ARHGEF12: variants seen among roughly 807,000 people sequenced by gnomAD.
ARHGEF12 encodes KMT2A/ARHGEF12 fusion protein.
A neutral mutation model predicts 211.2 loss-of-function variants in ARHGEF12; 66 were observed. The ratio of observed to expected loss-of-function variants is 0.31; its 90% CI spans 0.26 to 0.38. ARHGEF12 has a LOEUF of 0.38. Among genes scored for constraint, ARHGEF12 ranks in the 10% least tolerant of loss-of-function variants. The pLI is 1.00. For synonymous variants in ARHGEF12, 592 were observed against 638.4 expected, an observed-to-expected ratio of 0.93 and a Z score of 1.09; for missense variants, 1,429 against 1,869.5, an observed-to-expected ratio of 0.76 and a Z score of 4.34.
chr11:120,373,567 A>G (rs1254913942), intron 1 of ARHGEF12, among the ~76,000 whole-genome samples: 1 of 152,198 alleles, frequency 6.6e-6, no homozygotes, highest in East Asian at 1.9e-4. Context: ...ATGTATTTCT[A>G]ACTTGGAAAT....
chr11:120,390,183 CTTTATG>C (rs1944168346), intron 1 of ARHGEF12, among the ~76,000 whole-genome samples: 1 of 152,108 alleles, frequency 6.6e-6, no homozygotes, highest in African/African-American at 2.4e-5. Flanking sequence ...GGTCTGTGAT[CTTTATG>C]TTTAGGGAAA....
chr11:120,467,249 C>A lies in ARHGEF12; in HGVS notation c.2795C>A (p.Thr932Asn). 1 of 1,613,784 alleles carries A rather than the reference C, an allele frequency of 6.2e-7. No homozygotes were observed. The highest frequency in any genetic ancestry group is 8.5e-7 in the Non-Finnish European group (1 of 1,179,878). The change falls in exon 29 of 41, where the codon ACT becomes AAT. Residue 932 changes from threonine to asparagine, a missense_variant. By Grantham distance (65) the Thr-to-Asn change is moderately conservative. This residue lies in a region of ARHGEF12 where 223 missense variants were observed against 444.6 expected (regional missense o/e 0.50). Coordinates refer to ENST00000397843, the MANE Select transcript of ARHGEF12 (RefSeq NM_015313.3). ...RRLQLKDIIPTQMQRLTKYPL... is the reference protein window; with the variant it reads ...RRLQLKDIIPNQMQRLTKYPL... ...CTTCAACTGAAGGATATTATTCCCACTCAAATGCAAAGGCTTACTAAGTAC... is the reference window on the plus strand; with the variant it reads ...CTTCAACTGAAGGATATTATTCCCAATCAAATGCAAAGGCTTACTAAGTAC...
In ARHGEF12 at chr11:120,347,264, C is replaced by CTGTG. The variant is rs1315373728; in HGVS notation, c.32+9990_32+9991insGTGT. ...TCTCTGTTTCTCTCTCTCTCTCTCT[C>CTGTG]TCTGTCTGTGTGTGTGTGTGTGTGT... On this transcript the variant is annotated intron_variant, in intron 1 of 40. Coordinates refer to ENST00000397843, the MANE Select transcript of ARHGEF12 (RefSeq NM_015313.3). Among the ~76,000 whole-genome samples the CTGTG allele has an allele frequency of 1.9e-3, 218 of 112,882 alleles. 2 individuals are homozygous for CTGTG. Among genetic ancestry groups the CTGTG allele is most frequent in the African/African-American group, 7.4e-3 (205 of 27,588 alleles). The allele number at this position is 112,882 out of a possible 152,430, so 74.1% of individuals were successfully genotyped here. A position where few individuals can be genotyped will look rare whatever the true frequency, so the allele number is the denominator to read the frequency against.
chr11:120,435,388 A>T (rs1424257401), intron 11 of ARHGEF12, among the ~76,000 whole-genome samples: 1 of 152,020 alleles, frequency 6.6e-6, no homozygotes, highest in Non-Finnish European at 1.5e-5. Context: ...TAATTCATAG[A>T]TGATACTATG....
At chr11:120,369,418 C>T (rs1943527149) in intron 1 of ARHGEF12, among the ~76,000 whole-genome samples, 1 of 152,148 alleles carries the variant, frequency 6.6e-6, no homozygotes, top group Non-Finnish European at 1.5e-5. Flanking sequence ...CATGAGCCAT[C>T]CCACTCGGCC....
intron 1 of ARHGEF12, among the ~76,000 whole-genome samples, chr11:120,346,518 G>C (rs560189504): frequency 6.6e-6 from 1 of 152,356 alleles, no homozygotes; most frequent in Non-Finnish European, 1.5e-5. Context: ...CTCACTGTCA[G>C]TGGGGTAAGG....
chr11:120,456,055 C>A (rs187425809), intron 22 of ARHGEF12, among the ~76,000 whole-genome samples: 62 of 152,232 alleles, frequency 4.1e-4, no homozygotes, highest in Non-Finnish European at 6.3e-4. Context: ...ATTTCTTAAT[C>A]TGGCAGGAAT....
chr11:120,462,050 G>C (rs185646425), intron 27 of ARHGEF12, among the ~76,000 whole-genome samples: 1 of 152,074 alleles, frequency 6.6e-6, no homozygotes, highest in Non-Finnish European at 1.5e-5. Context: ...TTTCCTTCAA[G>C]AATTTTTTCT....
chr11:120,471,338 GA>G (rs1334998704), intron 30 of ARHGEF12, among the ~76,000 whole-genome samples: 2 of 151,448 alleles, frequency 1.3e-5, no homozygotes, highest in Non-Finnish European at 2.9e-5. Flanking sequence ...ATGCTGAGTG[GA>G]AAAAAAACAG....
At chr11:120,481,149 G>T (rs1303815764) in intron 38 of ARHGEF12, 111 bp from the exon 39 acceptor site, 4 of 944,396 alleles carry the variant, frequency 4.2e-6, no homozygotes, top group African/African-American at 1.6e-5. Flanking sequence ...GGAATTAATG[G>T]CTTTTCCCTC....
intron 39 of ARHGEF12, 84 bp downstream of exon 39, chr11:120,481,660 G>A (rs1479880029): frequency 1.5e-6 from 2 of 1,345,284 alleles, no homozygotes; most frequent in African/African-American, 1.4e-5. Context: ...AAATGCTGAT[G>A]TCAATAAACT....
chr11:120,468,252 A>C (rs1402039998), intron 29 of ARHGEF12, among the ~76,000 whole-genome samples: 1 of 152,254 alleles, frequency 6.6e-6, no homozygotes, highest in African/African-American at 2.4e-5. Context: ...TGAATGCATA[A>C]GCAGGAAATT....
chr11:120,439,976 C>G (rs1251623697), intron 12 of ARHGEF12, 153 bp from the exon 13 acceptor site: 1 of 604,246 alleles, frequency 1.7e-6, no homozygotes, highest in African/African-American at 1.9e-5. Context: ...ATTTGTGAAC[C>G]CCTACTTTGA....
intron 7 of ARHGEF12, among the ~76,000 whole-genome samples, chr11:120,425,935 G>A (rs1256530384): frequency 6.6e-6 from 1 of 152,092 alleles, no homozygotes; most frequent in Non-Finnish European, 1.5e-5. Context: ...ATTTAATTCT[G>A]TTTCTCTGTA....
At chr11:120,472,109 A>T (rs1161429201) in intron 30 of ARHGEF12, among the ~76,000 whole-genome samples, 1 of 152,136 alleles carries the variant, frequency 6.6e-6, no homozygotes, top group Non-Finnish European at 1.5e-5. Flanking sequence ...AGTCCCCAAG[A>T]TATAAGTCAT....
chr11:120,479,385 G>A (rs539126148), intron 37 of ARHGEF12, among the ~76,000 whole-genome samples: 7 of 152,268 alleles, frequency 4.6e-5, no homozygotes, highest in African/African-American at 1.7e-4. Context: ...ATTTCTGATG[G>A]TTGGAATAAC....
At chr11:120,337,435 T>C (rs1942385611) in intron 1 of ARHGEF12, 160 bp downstream of exon 1, 7 of 985,128 alleles carry the variant, frequency 7.1e-6, no homozygotes, top group Non-Finnish European at 8.4e-6. Flanking sequence ...TGCCGAGTTA[T>C]CCAGTTGATT....
chr11:120,473,328 T>C (rs895376004), intron 31 of ARHGEF12, among the ~76,000 whole-genome samples: 2 of 152,194 alleles, frequency 1.3e-5, no homozygotes, highest in African/African-American at 4.8e-5. Flanking sequence ...ATATCTTGCA[T>C]AAAACTGTAA....
At chr11:120,338,829 G>T (rs987961256) in intron 1 of ARHGEF12, among the ~76,000 whole-genome samples, 2 of 152,168 alleles carry the variant, frequency 1.3e-5, no homozygotes, top group African/African-American at 4.8e-5. Flanking sequence ...CCACACACAA[G>T]TGAGTGAAAA....
Sources: gnomAD v4.1 joint callset for allele counts (sites outside exome capture counted in the v4.1 genomes callset) on GRCh38, gnomAD v4.1.1 for gene constraint, gnomAD v4.1.1 regional missense constraint, MANE v1.5 for transcripts, NCBI Gene and HGNC (gene_info 2026-07-23, HGNC 2026-07-21) for gene names.